Variants in DDX10 observed in about 807,000 individuals in gnomAD.
The protein encoded by DDX10 is probable ATP-dependent RNA helicase DDX10.
DDX10 carries 74 observed loss-of-function variants against 104.3 expected under a neutral mutation model. That is an observed-to-expected ratio of 0.71 (90% CI 0.59 to 0.86). The LOEUF (loss-of-function observed/expected upper bound fraction) is 0.86, where lower values mean the gene tolerates loss of function less well. Ranked by LOEUF, DDX10 falls within the 40% of genes least tolerant of loss-of-function variation. The pLI is 0.00. For synonymous variants in DDX10, 351 were observed against 353.4 expected (o/e 0.99, Z 0.08); for missense variants, 952 against 1,040.0 (o/e 0.92, Z 1.16).
At chr11:108,707,023 A>G (rs1015349935) in intron 10 of DDX10, among the ~76,000 whole-genome samples, 186 bp downstream of exon 10, 4 of 152,214 alleles carry the variant, frequency 2.6e-5, no homozygotes, top group Non-Finnish European at 4.4e-5. Flanking sequence ...TAGATTTCTC[A>G]TATACCCCAT....
rs758907230 is a variant in DDX10 at position 108,693,522 on chromosome 11, C to G, written c.1145C>G (p.Pro382Arg). 1 of 1,613,662 alleles carries G rather than the reference C, an allele frequency of 6.2e-7. No individual in the cohort carries two copies. The highest frequency in any genetic ancestry group is 1.3e-5 in the African/African-American group (1 of 75,008). Residue 382 changes from proline to arginine, a missense_variant, in exon 9 of 18, where the codon CCG becomes CGG. By Grantham distance (103) the Pro-to-Arg change is moderately radical. Transcript: ENST00000322536. ...TCACATCCCTTCTCTGTAGATTTCC[C>G]GGCCGTGAATTGGGTTCTTCAGTTT... The part of the protein sequence containing the change: ...TDIAARGLDF[P>R]AVNWVLQFDC...
intron 17 of DDX10, among the ~76,000 whole-genome samples, chr11:108,925,995 T>TG (rs1454789452): frequency 6.6e-6 from 1 of 152,298 alleles, no homozygotes; most frequent in East Asian, 1.9e-4. Context: ...GGGTAGGTGG[T>TG]GATCTTAGAT....
chr11:108,794,609 T>C (rs1043509824), intron 13 of DDX10, among the ~76,000 whole-genome samples: 4 of 152,172 alleles, frequency 2.6e-5, no homozygotes, highest in Non-Finnish European at 4.4e-5. Flanking sequence ...ATGCCTTTTT[T>C]ACATTATTAA....
chr11:108,926,440 A>G (rs1252852188), intron 17 of DDX10, among the ~76,000 whole-genome samples: 1 of 152,198 alleles, frequency 6.6e-6, no homozygotes, highest in Non-Finnish European at 1.5e-5. Context: ...TCTGCCTTCT[A>G]GTTCTTCCTC....
At chr11:108,703,292 T>G (rs575168196) in intron 9 of DDX10, among the ~76,000 whole-genome samples, 5 of 152,350 alleles carry the variant, frequency 3.3e-5, no homozygotes, top group African/African-American at 1.2e-4. Context: ...GAAATAAATA[T>G]GTTTTGAAAA....
intron 13 of DDX10, among the ~76,000 whole-genome samples, chr11:108,736,950 CT>C (rs2094319173): frequency 6.6e-6 from 1 of 152,160 alleles, no homozygotes; most frequent in Non-Finnish European, 1.5e-5. Flanking sequence ...ATATAGGCTT[CT>C]GTAGGCACAT....
chr11:108,854,122 G>T (rs1166612459), intron 16 of DDX10, among the ~76,000 whole-genome samples: 3 of 152,168 alleles, frequency 2.0e-5, no homozygotes, highest in African/African-American at 7.2e-5. Flanking sequence ...ACAGGTTCAG[G>T]CTGACTGACA....
chr11:108,727,145 G>A (rs913238194), intron 13 of DDX10, among the ~76,000 whole-genome samples: 1 of 151,744 alleles, frequency 6.6e-6, no homozygotes, highest in African/African-American at 2.4e-5. Flanking sequence ...CTTTTTTTGC[G>A]ATGACTTGAC....
chr11:108,809,396 C>T (rs190815759), intron 13 of DDX10, among the ~76,000 whole-genome samples: 1 of 152,182 alleles, frequency 6.6e-6, no homozygotes. Flanking sequence ...TTTGAGCATA[C>T]GTATCCTTAC....
rs561229257 is a variant in DDX10, at chr11:108,923,928, G to A, written c.2450+5910G>A. Among the ~76,000 whole-genome samples the A allele has an allele frequency of 9.2e-5, 14 of 152,222 alleles. No individual in the cohort carries two copies. The South Asian group carries it at 2.3e-3, about 25-fold the overall frequency. ...TAAAGTGAGATGAGTGTCTTTAACCGTATTCCGTTTAAACTCTTCTTTCAA... is the reference window on the plus strand; with the variant it reads ...TAAAGTGAGATGAGTGTCTTTAACCATATTCCGTTTAAACTCTTCTTTCAA... On this transcript the variant is annotated intron_variant, in intron 17 of 17. Coordinates refer to ENST00000322536, the MANE Select transcript of DDX10 (RefSeq NM_004398.4).
intron 9 of DDX10, among the ~76,000 whole-genome samples, chr11:108,697,624 C>G (rs950647268): frequency 1.3e-5 from 2 of 152,188 alleles, no homozygotes; most frequent in African/African-American, 4.8e-5. Flanking sequence ...TTTTCCTTAA[C>G]CAGCACACCC....
intron 13 of DDX10, among the ~76,000 whole-genome samples, chr11:108,745,047 TTCCC>T (rs2094329689): frequency 2.9e-5 from 2 of 67,824 alleles, no homozygotes; most frequent in Admixed American, 3.2e-4. Flanking sequence ...TCCTTCCCCC[TTCCC>T]CCTTCCCCCT....
intron 16 of DDX10, among the ~76,000 whole-genome samples, chr11:108,907,332 C>CTTTT (rs58465136): frequency 6.2e-5 from 9 of 145,064 alleles, no homozygotes; most frequent in Middle Eastern, 7.2e-3. Context: ...TCCATTGCCT[C>CTTTT]TTTTTTTTTT....
intron 17 of DDX10, among the ~76,000 whole-genome samples, chr11:108,937,295 CT>C (rs1161207325): frequency 6.6e-6 from 1 of 152,114 alleles, no homozygotes; most frequent in Non-Finnish European, 1.5e-5. Context: ...GAAATTAACA[CT>C]GTTATTCTGG....
intron 13 of DDX10, among the ~76,000 whole-genome samples, chr11:108,811,913 ATAAT>A (rs1862188329): frequency 6.6e-6 from 1 of 152,116 alleles, no homozygotes; most frequent in South Asian, 2.1e-4. Context: ...AGAGAGCTGA[ATAAT>A]TAGGCATGAT....
At chr11:108,860,187 C>G (rs1200072834) in intron 16 of DDX10, among the ~76,000 whole-genome samples, 1 of 152,164 alleles carries the variant, frequency 6.6e-6, no homozygotes, top group Non-Finnish European at 1.5e-5. Context: ...TTCTAAAATT[C>G]TCAGCATTGA....
chr11:108,932,139 C>T lies in DDX10; in HGVS notation c.2451-8107C>T, dbSNP rs1048725013. On this transcript the variant is annotated intron_variant, in intron 17 of 17. Transcript: ENST00000322536. The stretch of plus-strand genomic sequence containing the variant: ...TCTGCCAGGGCAGTGGTAAAGCAAC[C>T]GTAGACAATACATAAACAAGGGGGT... Among the ~76,000 whole-genome samples the T allele has an allele frequency of 7.9e-5, 12 of 151,988 alleles. No individual in the cohort carries two copies. In the East Asian group the frequency reaches 1.4e-3, roughly 17 times the overall value.
intron 17 of DDX10, chr11:108,920,835 A>G (rs1205204959): frequency 6.6e-6 from 1 of 152,226 alleles, no homozygotes; most frequent in Non-Finnish European, 1.5e-5. Flanking sequence ...GCTTAACATC[A>G]TCCTTGGCCT....
At chr11:108,799,629 C>G (rs988302481) in intron 13 of DDX10, among the ~76,000 whole-genome samples, 1 of 152,190 alleles carries the variant, frequency 6.6e-6, no homozygotes, top group African/African-American at 2.4e-5. Context: ...CATTTTCTTG[C>G]AGACTTCCCA....
Sources: gnomAD v4.1 joint callset for allele counts (sites outside exome capture counted in the v4.1 genomes callset) on GRCh38, gnomAD v4.1.1 for gene constraint, MANE v1.5 for transcripts, NCBI Gene and HGNC (gene_info 2026-07-23, HGNC 2026-07-21) for gene names.